TIPARP: variants seen among roughly 807,000 people sequenced by gnomAD.
TIPARP encodes the protein TCDD inducible poly(ADP-ribose) polymerase.
In TIPARP, 12 loss-of-function variants were observed where a neutral mutation model predicts 56.5. The ratio of observed to expected loss-of-function variants is 0.21; its 90% CI spans 0.14 to 0.34. The LOEUF (loss-of-function observed/expected upper bound fraction) is 0.34. Ranked by LOEUF, TIPARP falls within the 10% of genes least tolerant of loss-of-function variation. The pLI, the probability that TIPARP is intolerant of heterozygous loss-of-function variation, is 1.00. For synonymous variants in TIPARP, 296 were observed against 265.7 expected (o/e 1.11, Z -1.11); for missense variants, 604 against 781.6 (o/e 0.77, Z 2.71).
intron 3 of TIPARP, 35 bp from the exon 4 acceptor site, chr3:156,695,826 CTTTT>C (rs10631452): frequency 1.5e-4 from 150 of 1,030,712 alleles, no homozygotes; most frequent in African/African-American, 7.9e-4. Context: ...ATTAACTTTC[CTTTT>C]TTTTTTTTTT....
chr3:156,675,532 G>C (rs1156874795), intron 1 of TIPARP: 1 of 152,722 alleles, frequency 6.5e-6, no homozygotes. Flanking sequence ...CTGAGGGGAA[G>C]GCGGGGGCGG....
At chr3:156,700,967 C>T (rs1367311) in intron 4 of TIPARP, among the ~76,000 whole-genome samples, 18,192 of 152,230 alleles carry the variant, frequency 0.12, 1,298 homozygotes, top group Non-Finnish European at 0.16. Flanking sequence ...GCAGTGAATA[C>T]AAACTCATTC....
chr3:156,675,096 C>A (rs541414289), intron 1 of TIPARP: 8 of 152,268 alleles, frequency 5.3e-5, no homozygotes, highest in African/African-American at 1.9e-4. Flanking sequence ...CCCCGTTCGT[C>A]AGGGTGGGGG....
At position 156,705,271 on chromosome 3, in the gene TIPARP, A is replaced by C; in HGVS notation, c.*140A>C. On this transcript the variant is annotated 3_prime_UTR_variant, in exon 6 of 6. Transcript: ENST00000295924. The stretch of plus-strand genomic sequence containing the variant: ...AGACCCATTTTTTAAAGTGCTAGAA[A>C]ATGCTTTTTTTAAAAAAAAAATACA... 1 of 600,628 alleles carries C rather than the reference A, an allele frequency of 1.7e-6. No individual in the cohort carries two copies. Among genetic ancestry groups the C allele is most frequent in the Non-Finnish European group, 2.8e-6 (1 of 362,294 alleles). 37.2% of individuals were successfully genotyped at this position (600,628 alleles called of 1,614,324 possible). A position where few individuals can be genotyped will look rare whatever the true frequency, so the allele number is the denominator to read the frequency against.
intron 4 of TIPARP, among the ~76,000 whole-genome samples, chr3:156,700,553 T>C (rs1722822489): frequency 6.6e-6 from 1 of 152,180 alleles, no homozygotes; most frequent in Non-Finnish European, 1.5e-5. Context: ...TTCAGCTGTT[T>C]TTAAAAGGTT....
chr3:156,687,699 CAG>C (rs1049905530), intron 2 of TIPARP, among the ~76,000 whole-genome samples: 4 of 152,258 alleles, frequency 2.6e-5, no homozygotes, highest in African/African-American at 4.8e-5. Flanking sequence ...AGCTTAAAAA[CAG>C]ATAATCTTTT....
chr3:156,689,105 A>G (rs985244930), intron 2 of TIPARP, among the ~76,000 whole-genome samples: 2 of 152,200 alleles, frequency 1.3e-5, no homozygotes, highest in African/African-American at 4.8e-5. Flanking sequence ...TTAAAACTGT[A>G]CAGAGTAGGA....
intron 2 of TIPARP, among the ~76,000 whole-genome samples, chr3:156,686,527 T>G (rs770468597): frequency 6.6e-6 from 1 of 152,254 alleles, no homozygotes; most frequent in Non-Finnish European, 1.5e-5. Flanking sequence ...AGCTGTTTAC[T>G]CTTCTCTGGG....
At chr3:156,688,482 G>GT (rs1553770827) in intron 2 of TIPARP, among the ~76,000 whole-genome samples, 1 of 140,170 alleles carries the variant, frequency 7.1e-6, no homozygotes, top group Non-Finnish European at 1.5e-5. Flanking sequence ...TTTTATTGCC[G>GT]CCCCCCCCCG....
At chr3:156,675,021 G>A (rs1722077760) in intron 1 of TIPARP, 1 of 152,356 alleles carries the variant, frequency 6.6e-6, no homozygotes, top group Non-Finnish European at 1.5e-5. Context: ...TAGAGCCTGT[G>A]GCAGGTGTAT....
intron 1 of TIPARP, among the ~76,000 whole-genome samples, 155 bp from the exon 2 acceptor site, chr3:156,677,502 C>T (rs749639109): frequency 2.6e-5 from 4 of 152,000 alleles, no homozygotes; most frequent in Non-Finnish European, 5.9e-5. Context: ...CTTAATTTCT[C>T]GATAAAATTT....
intron 2 of TIPARP, among the ~76,000 whole-genome samples, chr3:156,687,990 A>G (rs1437898177): frequency 2.6e-5 from 4 of 152,212 alleles, no homozygotes. Flanking sequence ...GTTGGGGAAC[A>G]CTTTTACCTA....
intron 2 of TIPARP, among the ~76,000 whole-genome samples, chr3:156,682,979 C>T (rs954911441): frequency 2.6e-5 from 4 of 152,160 alleles, no homozygotes; most frequent in Admixed American, 6.5e-5. Context: ...TCTATACTAA[C>T]CCAGAGAAGT....
chr3:156,696,715 C>T (rs549265226), intron 4 of TIPARP, among the ~76,000 whole-genome samples: 1 of 152,260 alleles, frequency 6.6e-6, no homozygotes, highest in Admixed American at 6.5e-5. Flanking sequence ...GGGCACATTA[C>T]CATTCACATG....
intron 3 of TIPARP, 31 bp from the exon 4 acceptor site, chr3:156,695,826 CTTTTTTTT>C: frequency 9.7e-7 from 1 of 1,030,334 alleles, no homozygotes; most frequent in Non-Finnish European, 1.2e-6. Context: ...ATTAACTTTC[CTTTTTTTT>C]TTTTTTTTTG....
At chr3:156,700,938 A>C (rs1180365422) in intron 4 of TIPARP, among the ~76,000 whole-genome samples, 1 of 152,258 alleles carries the variant, frequency 6.6e-6, no homozygotes, top group Non-Finnish European at 1.5e-5. Context: ...AACATGCAGT[A>C]TATCTTTGGA....
chr3:156,676,591 T>G (rs936395080), intron 1 of TIPARP: 1 of 152,236 alleles, frequency 6.6e-6, no homozygotes, highest in Non-Finnish European at 1.5e-5. Flanking sequence ...GCATATTTGA[T>G]TAAGTCATGG....
intron 2 of TIPARP, among the ~76,000 whole-genome samples, chr3:156,680,578 T>G (rs1722270546): frequency 6.6e-6 from 1 of 152,180 alleles, no homozygotes. Context: ...TCTATCTGTT[T>G]GAATTGATCA....
chr3:156,703,655 G>T lies in TIPARP; in HGVS notation c.1479G>T (p.Leu493Phe), dbSNP rs776902281. ...KTVPEFKYRI[L>F]QILRVQNQFL... ...TGCCTGAGTTTAAATACAGAATTTT[G>T]CAGATATTGAGAGTCCAAAACCAGT... Residue 493 changes from leucine to phenylalanine, a missense_variant, in exon 5 of 6, where the codon TTG (leucine) becomes TTT (phenylalanine). Around this residue, in one of 4 missense-constraint regions of TIPARP, gnomAD observed 252 missense variants for 303.9 expected, o/e 0.83. Coordinates refer to ENST00000295924, the MANE Select transcript of TIPARP (RefSeq NM_015508.5). 6.2e-7 allele frequency: 1 copy of T among 1,613,966 alleles called. No individual in the cohort carries two copies. Among genetic ancestry groups the T allele is most frequent in the Admixed American group, 1.7e-5 (1 of 60,004 alleles).
Sources: allele counts gnomAD v4.1 joint callset (sites outside exome capture counted in the v4.1 genomes callset), GRCh38; gene constraint gnomAD v4.1.1; regional missense constraint gnomAD v4.1.1; transcripts MANE v1.5; gene names NCBI Gene and HGNC (gene_info 2026-07-23, HGNC 2026-07-21).